HFM1: variants seen among roughly 807,000 people sequenced by gnomAD.
HFM1 encodes the protein helicase for meiosis 1.
In HFM1, 169 loss-of-function variants were observed where a neutral mutation model predicts 192.1. The observed-to-expected ratio is 0.88, with a 90% CI of 0.78 to 1.00. The LOEUF is 1.00. Ranked by LOEUF, HFM1 falls within the 50% of genes least tolerant of loss-of-function variation. The pLI is 0.00. For synonymous variants in HFM1, 525 were observed against 537.8 expected (o/e 0.98, Z 0.33); for missense variants, 1,661 against 1,668.0 (o/e 1.00, Z 0.07).
chr1:91,309,714 T>A (rs1303859995), intron 30 of HFM1, among the ~76,000 whole-genome samples: 1 of 152,044 alleles, frequency 6.6e-6, no homozygotes, highest in African/African-American at 2.4e-5. Context: ...GAGAACCAAG[T>A]TTCTCAGCAT....
intron 30 of HFM1, among the ~76,000 whole-genome samples, chr1:91,312,774 T>A (rs1650656309): frequency 6.6e-6 from 1 of 152,112 alleles, no homozygotes; most frequent in African/African-American, 2.4e-5. Context: ...TGGAATGATA[T>A]GGTTTGGCTG....
chr1:91,400,971 A>G (rs1316883766), intron 2 of HFM1, 41 bp downstream of exon 2: 1 of 956,112 alleles, frequency 1.0e-6, no homozygotes, highest in Non-Finnish European at 1.6e-6. Context: ...AAAAAACCCT[A>G]AAGTAATATA....
intron 13 of HFM1, among the ~76,000 whole-genome samples, chr1:91,366,212 T>C (rs1194090231): frequency 6.6e-6 from 1 of 152,228 alleles, no homozygotes; most frequent in Non-Finnish European, 1.5e-5. Flanking sequence ...TTAAAGGAAC[T>C]TGTAGTGTAT....
intron 20 of HFM1, among the ~76,000 whole-genome samples, chr1:91,340,852 C>T (rs1440533600): frequency 2.0e-5 from 3 of 152,118 alleles, no homozygotes; most frequent in Admixed American, 2.0e-4. Flanking sequence ...CAAAGAAGGA[C>T]ACTGATAATG....
At chr1:91,380,790 A>C in intron 7 of HFM1, 122 bp downstream of exon 7, 1 of 625,936 alleles carries the variant, frequency 1.6e-6, no homozygotes, top group South Asian at 1.9e-5. Context: ...GAGCTCCTAA[A>C]TGTGCTAGAC....
intron 10 of HFM1, 31 bp downstream of exon 10, chr1:91,378,372 G>T: frequency 1.3e-6 from 2 of 1,494,174 alleles, no homozygotes; most frequent in Non-Finnish European, 1.9e-6. Context: ...ATCCTTTTAT[G>T]TTTATCTCTG....
At chr1:91,274,118 T>A (rs151069557) in intron 33 of HFM1, among the ~76,000 whole-genome samples, 2 of 152,110 alleles carry the variant, frequency 1.3e-5, no homozygotes, top group Non-Finnish European at 2.9e-5. Flanking sequence ...TTCCTGCATA[T>A]AGAATGCCCT....
intron 30 of HFM1, among the ~76,000 whole-genome samples, chr1:91,299,698 G>A (rs985163037): frequency 9.2e-5 from 14 of 152,156 alleles, no homozygotes; most frequent in African/African-American, 1.4e-4. Flanking sequence ...GGTACATAAC[G>A]AAATGAAGGC....
intron 19 of HFM1, among the ~76,000 whole-genome samples, chr1:91,344,604 T>C (rs538777933): frequency 1.3e-4 from 20 of 152,276 alleles, no homozygotes; most frequent in Admixed American, 5.9e-4. Context: ...TACAAATAAA[T>C]AATAAGGTTT....
In HFM1 at chr1:91,375,576, T is replaced by C; in HGVS notation, c.1547A>G (p.Lys516Arg). ...EFKFDLTLNY[K>R]IASVIQMYSD... The stretch of plus-strand genomic sequence containing the variant: ...GTACATTTGTATAACACTGGCAATT[T>C]TGTAGTTGAGGGTTAAATCAAACTT... Residue 516 changes from lysine to arginine, a missense_variant, in exon 12 of 39, where the codon AAA becomes AGA. Transcript: ENST00000370425. The C allele has an allele frequency of 6.2e-7, 1 of 1,613,548 alleles. No homozygotes were observed. Among genetic ancestry groups the C allele is most frequent in the Non-Finnish European group, 8.5e-7 (1 of 1,179,616 alleles).
chr1:91,394,675 T>C (rs989682750), intron 3 of HFM1, among the ~76,000 whole-genome samples: 34 of 152,106 alleles, frequency 2.2e-4, no homozygotes, highest in African/African-American at 7.7e-4. Flanking sequence ...ATAAAATAGA[T>C]TTAATTTCTT....
chr1:91,399,081 T>C (rs1664007109), intron 2 of HFM1, among the ~76,000 whole-genome samples: 1 of 152,222 alleles, frequency 6.6e-6, no homozygotes, highest in South Asian at 2.1e-4. Flanking sequence ...TCTACTATTT[T>C]ATTCATTCAT....
At chr1:91,297,534 C>T (rs1318927344) in intron 30 of HFM1, among the ~76,000 whole-genome samples, 2 of 152,174 alleles carry the variant, frequency 1.3e-5, no homozygotes, top group South Asian at 2.1e-4. Flanking sequence ...AACTGGGAGG[C>T]GTCCCCCAGT....
chr1:91,377,703 C>A (rs1281308718), intron 11 of HFM1: 1 of 301,854 alleles, frequency 3.3e-6, no homozygotes, highest in Non-Finnish European at 6.1e-6. Context: ...CTTTGCTATA[C>A]AATTAGAGTC....
intron 4 of HFM1, among the ~76,000 whole-genome samples, chr1:91,388,351 T>A (rs1353595123): frequency 6.6e-6 from 1 of 152,228 alleles, no homozygotes; most frequent in Admixed American, 6.5e-5. Flanking sequence ...CTGTGGGGTC[T>A]GACGCTAATT....
At chr1:91,352,953 C>G in intron 15 of HFM1, 98 bp downstream of exon 15, 1 of 739,240 alleles carries the variant, frequency 1.4e-6, no homozygotes, top group Non-Finnish European at 2.2e-6. Context: ...AGAAGAAAAG[C>G]AGAAACAAGC....
chr1:91,323,616 T>G (rs1460585431), intron 21 of HFM1, among the ~76,000 whole-genome samples: 2 of 152,212 alleles, frequency 1.3e-5, no homozygotes. Context: ...GAGGATAATT[T>G]AGTCATAGAA....
At position 91,264,359 on chromosome 1, in the gene HFM1, G is replaced by GTTTTTTTT. The variant is rs1466938761; in HGVS notation, c.3974+1657_3974+1658insAAAAAAAA. ...AATTCCAAGGGATACCACAAATTTA[G>GTTTTTTTT]TATTTTTTTTTTTTTTTTTTTTTTT... On this transcript the variant is annotated intron_variant, in intron 36 of 38. Coordinates refer to ENST00000370425, the MANE Select transcript of HFM1 (RefSeq NM_001017975.6). Among the ~76,000 whole-genome samples the GTTTTTTTT allele has an allele frequency of 7.8e-4, 42 of 54,062 alleles. 1 individual carries two copies. Among genetic ancestry groups the GTTTTTTTT allele is most frequent in the African/African-American group, 2.7e-3 (34 of 12,782 alleles). 35.5% of individuals were successfully genotyped at this position (54,062 alleles called of 152,430 possible). A position where few individuals can be genotyped will look rare whatever the true frequency, so the allele number is the denominator to read the frequency against.
chr1:91,401,001 G>A lies in HFM1; in HGVS notation c.71+11C>T. ...AATATACTATGCTATCAATCTTTAA[G>A]GGAGACTTACTTTTCAACTTCATCT... is the stretch of plus-strand genomic sequence containing the variant. On this transcript the variant is annotated intron_variant, in intron 2 of 38. Transcript: ENST00000370425. The A allele has an allele frequency of 7.2e-7, 1 of 1,387,740 alleles. No individual in the cohort carries two copies. Among genetic ancestry groups the A allele is most frequent in the Admixed American group, 2.2e-5 (1 of 46,210 alleles). The allele number at this position is 1,387,740 out of a possible 1,614,324, so 86.0% of individuals were successfully genotyped here. A position where few individuals can be genotyped will look rare whatever the true frequency, so the allele number is the denominator to read the frequency against.
Sources: gnomAD v4.1 joint callset for allele counts (sites outside exome capture counted in the v4.1 genomes callset) on GRCh38, gnomAD v4.1.1 for gene constraint, MANE v1.5 for transcripts, NCBI Gene and HGNC (gene_info 2026-07-23, HGNC 2026-07-21) for gene names.